The following MICU2 variants were observed in gnomAD, a reference collection of about 807,000 sequenced individuals.
MICU2 encodes calcium uptake protein 2, mitochondrial.
A neutral mutation model predicts 60.4 loss-of-function variants in MICU2; 64 were observed. The ratio of observed to expected loss-of-function variants is 1.06; its 90% CI spans 0.87 to 1.31. The LOEUF (loss-of-function observed/expected upper bound fraction) is 1.31, where lower values mean the gene tolerates loss of function less well. Among genes scored for constraint, MICU2 ranks in the 50% most tolerant of loss-of-function variants. The pLI, the probability that MICU2 is intolerant of heterozygous loss-of-function variation, is 0.00. For synonymous variants in MICU2, 201 were observed against 175.0 expected (o/e 1.15, Z -1.17); for missense variants, 569 against 531.0 (o/e 1.07, Z -0.70).
At chr13:21,594,090 A>G (rs943895979) in intron 1 of MICU2, among the ~76,000 whole-genome samples, 18 of 152,360 alleles carry the variant, frequency 1.2e-4, no homozygotes, top group African/African-American at 3.8e-4. Flanking sequence ...CAGGGTGAAC[A>G]GGCAACTTAC....
intron 2 of MICU2, among the ~76,000 whole-genome samples, chr13:21,543,102 A>C (rs530004496): frequency 1.7e-4 from 26 of 152,334 alleles, no homozygotes; most frequent in African/African-American, 5.8e-4. Context: ...GACAGAGCTG[A>C]TTATACTCTA....
At chr13:21,595,191 T>C (rs1337599278) in intron 1 of MICU2, among the ~76,000 whole-genome samples, 1 of 152,200 alleles carries the variant, frequency 6.6e-6, no homozygotes, top group African/African-American at 2.4e-5. Context: ...CGGCTGTCAA[T>C]TTATTGTCTC....
Position 21,540,790 on chromosome 13 carries a change from T to C in MICU2, c.359-1102A>G, listed in dbSNP as rs139924479. Among the ~76,000 whole-genome samples the C allele has an allele frequency of 2.1e-3, 322 of 152,272 alleles. 1 individual carries two copies. The highest frequency in any genetic ancestry group is 7.5e-3 in the African/African-American group (312 of 41,580). On this transcript the variant is annotated intron_variant, in intron 2 of 11. Transcript: ENST00000382374. ...CAGATTCTACTGTTAGGTGTTGTTA[T>C]AGTATCAGATAATCAAATAGATAAA...
chr13:21,505,779 T>A (rs1485312179), intron 8 of MICU2, among the ~76,000 whole-genome samples: 2 of 152,180 alleles, frequency 1.3e-5, no homozygotes, highest in Non-Finnish European at 2.9e-5. Context: ...AAACCTTTCA[T>A]GAGAAACCTG....
chr13:21,594,731 A>G (rs936175413), intron 1 of MICU2, among the ~76,000 whole-genome samples: 2 of 152,234 alleles, frequency 1.3e-5, no homozygotes, highest in Non-Finnish European at 2.9e-5. Context: ...CTTTGCAGGG[A>G]CATGGATGAA....
chr13:21,596,550 A>G (rs914384488), intron 1 of MICU2, among the ~76,000 whole-genome samples: 2 of 151,834 alleles, frequency 1.3e-5, no homozygotes, highest in Non-Finnish European at 2.9e-5. Context: ...CAGCCTTCCA[A>G]GTAACTGGGA....
chr13:21,536,461 G>A (rs1323872283), intron 4 of MICU2, among the ~76,000 whole-genome samples: 2 of 151,884 alleles, frequency 1.3e-5, no homozygotes, highest in Non-Finnish European at 2.9e-5. Flanking sequence ...CCAAGTAGCT[G>A]GGACTACAGG....
chr13:21,525,944 ATTTAT>A (rs1437870452), intron 4 of MICU2, among the ~76,000 whole-genome samples: 12 of 90,238 alleles, frequency 1.3e-4, no homozygotes, highest in African/African-American at 4.8e-4. Context: ...TTATTTATTT[ATTTAT>A]TTTTTAACAA....
At chr13:21,517,426 T>G (rs1267120997) in intron 6 of MICU2, among the ~76,000 whole-genome samples, 1 of 152,220 alleles carries the variant, frequency 6.6e-6, no homozygotes, top group Admixed American at 6.5e-5. Context: ...CTTTTAAATA[T>G]GCTTTTTTGA....
chr13:21,514,203 T>C, intron 7 of MICU2, 150 bp downstream of exon 7: 1 of 598,800 alleles, frequency 1.7e-6, no homozygotes, highest in South Asian at 2.3e-5. Context: ...ATGCAGTCTG[T>C]TGTTGACTGA....
chr13:21,588,666 T>C (rs1367120103), intron 1 of MICU2, among the ~76,000 whole-genome samples: 1 of 152,242 alleles, frequency 6.6e-6, no homozygotes, highest in Non-Finnish European at 1.5e-5. Flanking sequence ...TGGTGGACCT[T>C]TACTGGACAC....
chr13:21,591,507 C>T (rs556188788), intron 1 of MICU2, among the ~76,000 whole-genome samples: 86 of 152,310 alleles, frequency 5.6e-4, no homozygotes, highest in Middle Eastern at 3.4e-3. Flanking sequence ...GACTTGAACT[C>T]TGCTCTGGAT....
At chr13:21,595,179 A>G (rs1454280411) in intron 1 of MICU2, among the ~76,000 whole-genome samples, 1 of 152,130 alleles carries the variant, frequency 6.6e-6, no homozygotes, top group Non-Finnish European at 1.5e-5. Context: ...AGAACTGTAT[A>G]CCGGCTGTCA....
At chr13:21,539,779 AAAC>A (rs1887237241) in intron 2 of MICU2, 91 bp from the exon 3 acceptor site, 4 of 1,148,694 alleles carry the variant, frequency 3.5e-6, no homozygotes, top group Non-Finnish European at 5.1e-6. Context: ...AAGACAAAAC[AAAC>A]AACTAAATAT....
intron 9 of MICU2, among the ~76,000 whole-genome samples, chr13:21,500,584 T>C (rs1886127370): frequency 6.6e-6 from 1 of 151,730 alleles, no homozygotes; most frequent in African/African-American, 2.4e-5. Flanking sequence ...CCGGCTACTT[T>C]TTTTTGTATT....
chr13:21,493,189 T>TA lies in MICU2; in HGVS notation c.*59dup, dbSNP rs1885903387. 6.6e-6 allele frequency: 8 copies of TA among 1,204,570 alleles called. No homozygotes were observed. Among genetic ancestry groups the TA allele is most frequent in the Non-Finnish European group, 9.3e-6 (8 of 859,860 alleles). 74.6% of individuals were successfully genotyped at this position (1,204,570 alleles called of 1,614,324 possible). A position where few individuals can be genotyped will look rare whatever the true frequency, so the allele number is the denominator to read the frequency against. On this transcript the variant is annotated 3_prime_UTR_variant, in exon 12 of 12. Coordinates refer to ENST00000382374, the MANE Select transcript of MICU2 (RefSeq NM_152726.3). ...TAAGAAGATAAATAGCAAGTACTTC[T>TA]AAAAAATCACAAATTTTGACATTTG... is the stretch of plus-strand genomic sequence containing the variant.
At chr13:21,583,153 A>T (rs1191096906) in intron 1 of MICU2, among the ~76,000 whole-genome samples, 1 of 152,104 alleles carries the variant, frequency 6.6e-6, no homozygotes, top group Admixed American at 6.6e-5. Context: ...TACTCGAGAG[A>T]TTGAGGAGGG....
intron 4 of MICU2, among the ~76,000 whole-genome samples, chr13:21,526,652 CAGA>C (rs1886864887): frequency 6.6e-6 from 1 of 151,752 alleles, no homozygotes; most frequent in Admixed American, 6.6e-5. Context: ...AAAGATGTCA[CAGA>C]GGAGGTAATT....
chr13:21,558,186 C>T (rs1304200940), intron 2 of MICU2, among the ~76,000 whole-genome samples: 4 of 152,094 alleles, frequency 2.6e-5, no homozygotes, highest in African/African-American at 7.2e-5. Context: ...AAGACTATCG[C>T]CCCCCAGTGT....
Sources: allele counts gnomAD v4.1 joint callset (sites outside exome capture counted in the v4.1 genomes callset), GRCh38; gene constraint gnomAD v4.1.1; transcripts MANE v1.5; gene names NCBI Gene and HGNC (gene_info 2026-07-23, HGNC 2026-07-21).